The following SUMF1 variants were observed in gnomAD, a reference collection of about 807,000 sequenced individuals.
SUMF1 encodes sulfatase modifying factor 1.
SUMF1 carries 48 observed loss-of-function variants against 47.6 expected under a neutral mutation model. That is an observed-to-expected ratio of 1.01 (90% CI 0.80 to 1.28). SUMF1 has a LOEUF of 1.28. SUMF1 is among the 50% of genes most tolerant of loss of function. The probability of loss-of-function intolerance (pLI) is 0.00; values close to 1 mark genes in which losing one functional copy is unlikely to be tolerated. For missense variants in SUMF1, 571 were observed against 485.4 expected, an observed-to-expected ratio of 1.18 and a Z score of -1.66; for synonymous variants, 230 against 192.1, an observed-to-expected ratio of 1.20 and a Z score of -1.63.
intron 9 of SUMF1, among the ~76,000 whole-genome samples, chr3:4,047,191 A>G (rs894055286): frequency 6.6e-6 from 1 of 152,100 alleles, no homozygotes; most frequent in Non-Finnish European, 1.5e-5. Flanking sequence ...CATATATCAA[A>G]TATCCCCTAA....
chr3:4,113,550 G>C (rs1052685439), intron 8 of SUMF1, among the ~76,000 whole-genome samples: 1 of 151,644 alleles, frequency 6.6e-6, no homozygotes, highest in Non-Finnish European at 1.5e-5. Context: ...AAAAAAGAAA[G>C]AAATATATAT....
intron 8 of SUMF1, among the ~76,000 whole-genome samples, chr3:4,152,571 G>T (rs1231638399): frequency 2.0e-5 from 3 of 151,422 alleles, no homozygotes; most frequent in Admixed American, 6.6e-5. Flanking sequence ...GGGATTACAG[G>T]CATGAGCCAC....
intron 8 of SUMF1, among the ~76,000 whole-genome samples, chr3:4,132,689 G>T (rs1027627859): frequency 6.6e-6 from 1 of 152,104 alleles, no homozygotes; most frequent in African/African-American, 2.4e-5. Flanking sequence ...TAAACTGGAA[G>T]TTAAGATTGC....
intron 8 of SUMF1, among the ~76,000 whole-genome samples, chr3:4,353,528 A>G (rs1456119031): frequency 6.6e-6 from 1 of 152,188 alleles, no homozygotes; most frequent in Non-Finnish European, 1.5e-5. Context: ...CCGGGATTAC[A>G]GGCGTGAGTC....
chr3:4,441,553 T>C (rs1468665959), intron 3 of SUMF1, among the ~76,000 whole-genome samples: 1 of 152,170 alleles, frequency 6.6e-6, no homozygotes, highest in Non-Finnish European at 1.5e-5. Flanking sequence ...TGCTGATCTG[T>C]AGTATAATAT....
At chr3:4,398,256 G>C (rs1701099676) in intron 7 of SUMF1, among the ~76,000 whole-genome samples, 1 of 152,150 alleles carries the variant, frequency 6.6e-6, no homozygotes. Context: ...GTGTCTGTTA[G>C]ATTCCCAGAA....
At chr3:4,067,679 G>C (rs1695409395) in intron 9 of SUMF1, among the ~76,000 whole-genome samples, 1 of 152,174 alleles carries the variant, frequency 6.6e-6, no homozygotes, top group Admixed American at 6.5e-5. Context: ...CATTAACACA[G>C]TACACAAATA....
At position 4,435,170 on chromosome 3, in the gene SUMF1, G is replaced by A. The variant is rs948620088; in HGVS notation, c.519+14096C>T. ...TTGAACTCCTAACCTCAGGTGATCC[G>A]CCCACCTCGGCCGCCCAAAGTGCTG... is the stretch of plus-strand genomic sequence containing the variant. On this transcript the variant is annotated intron_variant, in intron 3 of 8. Transcript: ENST00000272902. 4.6e-5 allele frequency among the ~76,000 whole-genome samples: 7 copies of A among 152,036 alleles called. No individual in the cohort carries two copies. In the South Asian group the frequency reaches 1.0e-3, roughly 23 times the overall value.
chr3:4,230,502 C>T (rs892939187), intron 8 of SUMF1, among the ~76,000 whole-genome samples: 20 of 152,170 alleles, frequency 1.3e-4, no homozygotes, highest in African/African-American at 3.9e-4. Context: ...GAAAGCCAGA[C>T]GGAAAAGGCA....
At chr3:4,404,556 G>A (rs538611784) in intron 7 of SUMF1, among the ~76,000 whole-genome samples, 3 of 152,200 alleles carry the variant, frequency 2.0e-5, no homozygotes, top group Admixed American at 1.3e-4. Context: ...TCAGGAGTTC[G>A]AGACCAACCT....
At position 4,284,441 on chromosome 3, in the gene SUMF1, A is replaced by AAGG. The variant is rs72201582; in HGVS notation, c.1014+91886_1014+91888dup. Among the ~76,000 whole-genome samples the AAGG allele has an allele frequency of 1.9e-3, 173 of 91,704 alleles. 2 individuals carry two copies. Among genetic ancestry groups the AAGG allele is most frequent in the African/African-American group, 3.2e-3 (100 of 30,904 alleles). The allele number at this position is 91,704 out of a possible 152,430, so 60.2% of individuals were successfully genotyped here. A position where few individuals can be genotyped will look rare whatever the true frequency, so the allele number is the denominator to read the frequency against. ...AAAAAAATAAGTAAATAAAAAATGA[A>AAGG]AGGAGGAGGAGGAGGAGGAGGAGGA... On this transcript the variant is annotated intron_variant and NMD_transcript_variant, in intron 8 of 12. Coordinates refer to the SUMF1 transcript ENST00000448413.
intron 8 of SUMF1, among the ~76,000 whole-genome samples, chr3:4,107,833 A>G (rs1693193271): frequency 6.6e-6 from 1 of 152,120 alleles, no homozygotes; most frequent in Non-Finnish European, 1.5e-5. Flanking sequence ...AAAGAGCTAT[A>G]CTTTTTTAAA....
chr3:4,221,283 G>C (rs968306054), intron 8 of SUMF1, among the ~76,000 whole-genome samples: 10 of 152,088 alleles, frequency 6.6e-5, no homozygotes, highest in Admixed American at 6.6e-4. Context: ...CTTAGAGCTA[G>C]TTAGAGACAT....
intron 8 of SUMF1, among the ~76,000 whole-genome samples, chr3:4,130,453 A>G (rs1478094158): frequency 2.6e-5 from 4 of 152,106 alleles, no homozygotes; most frequent in African/African-American, 9.7e-5. Context: ...AAAGACCTTG[A>G]TCTCTTTTTG....
intron 8 of SUMF1, among the ~76,000 whole-genome samples, chr3:4,253,851 T>G (rs1243279521): frequency 6.7e-6 from 1 of 149,272 alleles, no homozygotes; most frequent in African/African-American, 2.5e-5. Context: ...CTCTGCAGAC[T>G]TAAATGTCCC....
chr3:4,437,390 G>C (rs1466372804), intron 3 of SUMF1, among the ~76,000 whole-genome samples: 5 of 152,082 alleles, frequency 3.3e-5, no homozygotes, highest in Admixed American at 6.6e-5. Context: ...TAAAGTATAT[G>C]ACTTCTAAGA....
At chr3:4,438,888 C>T (rs536889421) in intron 3 of SUMF1, among the ~76,000 whole-genome samples, 135 of 152,110 alleles carry the variant, frequency 8.9e-4, no homozygotes, top group Admixed American at 5.0e-3. Flanking sequence ...GAAAGTTGAC[C>T]CCTGGTAGGT....
At chr3:4,227,615 C>T (rs1696202776) in intron 8 of SUMF1, among the ~76,000 whole-genome samples, 1 of 152,080 alleles carries the variant, frequency 6.6e-6, no homozygotes, top group Non-Finnish European at 1.5e-5. Flanking sequence ...CCAGGCCTAG[C>T]CAGACCAGAA....
chr3:4,076,374 C>G (rs1276556609), intron 8 of SUMF1, among the ~76,000 whole-genome samples: 1 of 152,054 alleles, frequency 6.6e-6, no homozygotes, highest in African/African-American at 2.4e-5. Context: ...AATGTAAGAC[C>G]TAAAACCATG....
Sources: allele counts gnomAD v4.1 joint callset (sites outside exome capture counted in the v4.1 genomes callset), GRCh38; gene constraint gnomAD v4.1.1; transcripts MANE v1.5; gene names NCBI Gene and HGNC (gene_info 2026-07-23, HGNC 2026-07-21).